Variants in DZANK1 observed in about 807,000 individuals in gnomAD.
DZANK1 encodes double zinc ribbon and ankyrin repeat-containing protein 1.
Under a neutral mutation model 94.5 loss-of-function variants are expected in DZANK1, and 91 were observed. The ratio of observed to expected loss-of-function variants is 0.96; its 90% CI spans 0.81 to 1.15. The LOEUF is 1.15. DZANK1 is among the 50% of genes most tolerant of loss of function. The pLI, the probability that DZANK1 is intolerant of heterozygous loss-of-function variation, is 0.00. For missense variants in DZANK1, 903 were observed against 916.4 expected, an observed-to-expected ratio of 0.99 and a Z score of 0.19; for synonymous variants, 312 against 325.3, an observed-to-expected ratio of 0.96 and a Z score of 0.44.
At chr20:18,437,150 T>C (rs1363377849) in intron 8 of DZANK1, among the ~76,000 whole-genome samples, 1 of 152,240 alleles carries the variant, frequency 6.6e-6, no homozygotes, top group African/African-American at 2.4e-5. Flanking sequence ...ATAGAACTTT[T>C]ATCTCATCTT....
chr20:18,413,012 TCC>T, intron 12 of DZANK1, 159 bp from the exon 13 acceptor site: 5 of 691,848 alleles, frequency 7.2e-6, no homozygotes, highest in Non-Finnish European at 1.2e-5. Flanking sequence ...TCTTCCTTGC[TCC>T]TGTCTTTCTC....
intron 2 of DZANK1, among the ~76,000 whole-genome samples, chr20:18,463,717 G>T (rs1020215376): frequency 3.9e-5 from 6 of 152,054 alleles, no homozygotes; most frequent in Non-Finnish European, 8.8e-5. Flanking sequence ...AATTTGGTTT[G>T]ACAGTTTAAA....
At chr20:18,394,283 C>G in exon 16 of DZANK1, 2 of 1,613,758 alleles carry the variant, frequency 1.2e-6, no homozygotes, top group Non-Finnish European at 1.7e-6. Flanking sequence ...GCACAGCCCC[C>G]CATCACCCTC....
rs1445492462 is a variant in DZANK1 at position 18,455,374 on chromosome 20, A to G, written c.264-13T>C. 1 of 1,560,248 alleles carries G rather than the reference A, an allele frequency of 6.4e-7. No homozygotes were observed. ...CTGTCTGCAGTCTCTGAAAATTATT[A>G]TTAAGAAAGGAAAAAGTCTGTGTTA... is the stretch of plus-strand genomic sequence containing the variant. On this transcript the variant is annotated splice_polypyrimidine_tract_variant and intron_variant, in intron 3 of 20. Coordinates refer to ENST00000262547, the Ensembl canonical transcript of DZANK1.
intron 14 of DZANK1, among the ~76,000 whole-genome samples, chr20:18,396,851 T>C (rs2056372084): frequency 6.6e-6 from 1 of 152,224 alleles, no homozygotes; most frequent in Non-Finnish European, 1.5e-5. Flanking sequence ...CTTCAAGAGA[T>C]GCACTTTAAT....
At chr20:18,399,571 C>T (rs1187675323) in intron 13 of DZANK1, among the ~76,000 whole-genome samples, 2 of 152,170 alleles carry the variant, frequency 1.3e-5, no homozygotes, top group East Asian at 1.9e-4. Context: ...GCTTGCCAAA[C>T]GTGTACACCC....
rs2057402851 is a variant in DZANK1, at chr20:18,414,634, A to G, written c.1078-122T>C. On this transcript the variant is annotated intron_variant, in intron 11 of 20. Transcript: ENST00000262547. Reference sequence around the variant, plus strand: ...TGACCCAGCCATTCTACCTTCCAGAATTTATCCTACAGATGGACAAGTACA... The same window carrying G: ...TGACCCAGCCATTCTACCTTCCAGAGTTTATCCTACAGATGGACAAGTACA... 2.5e-6 allele frequency: 3 copies of G among 1,183,808 alleles called. No individual in the cohort carries two copies. In the African/African-American group the frequency reaches 4.6e-5, roughly 18 times the overall value. 73.3% of individuals were successfully genotyped at this position (1,183,808 alleles called of 1,614,324 possible). A position where few individuals can be genotyped will look rare whatever the true frequency, so the allele number is the denominator to read the frequency against.
intron 7 of DZANK1, among the ~76,000 whole-genome samples, chr20:18,448,219 G>A (rs1456821360): frequency 6.6e-6 from 1 of 152,192 alleles, no homozygotes; most frequent in African/African-American, 2.4e-5. Flanking sequence ...AGAAACGGAT[G>A]TTTGTTACAA....
In DZANK1 at chr20:18,453,657, T is replaced by C. The variant is rs1041273036; in HGVS notation, c.475+74A>G. The C allele has an allele frequency of 1.2e-5, 12 of 1,021,338 alleles. No homozygotes were observed. In the Middle Eastern group the frequency reaches 9.4e-4, roughly 80 times the overall value. The allele number at this position is 1,021,338 out of a possible 1,614,324, so 63.3% of individuals were successfully genotyped here. ...CAACACTTCTCCAGACAAGAAAACA[T>C]GCAACGAACATGCCATGAACCTCTT... On this transcript the variant is annotated intron_variant, in intron 5 of 20. Coordinates refer to ENST00000262547, the Ensembl canonical transcript of DZANK1.
chr20:18,448,798 C>A (rs558664317), intron 7 of DZANK1, among the ~76,000 whole-genome samples, 186 bp downstream of exon 7: 1 of 144,732 alleles, frequency 6.9e-6, no homozygotes, highest in Non-Finnish European at 1.5e-5. Flanking sequence ...ACCCAGGAGG[C>A]GGAGGTTGCA....
rs762897814 is a variant in DZANK1 at position 18,394,347 on chromosome 20, G to A, written c.1615C>T (p.Leu539Phe). 5 of 1,613,320 alleles carry A rather than the reference G, an allele frequency of 3.1e-6. No homozygotes were observed. In the South Asian group the frequency reaches 4.4e-5, roughly 14 times the overall value. The change falls in exon 16 of 21, where the codon CTT (leucine) becomes TTT (phenylalanine). Residue 539 changes from leucine (L) to phenylalanine (F), a missense_variant. Transcript: ENST00000262547. The stretch of plus-strand genomic sequence containing the variant: ...AAATTCACTGCCTTGTTCAGGTAAA[G>A]GTTCTGGCCAATGAAAACATTTAAA...
chr20:18,447,263 G>A (rs1210349817), intron 7 of DZANK1, among the ~76,000 whole-genome samples: 1 of 151,730 alleles, frequency 6.6e-6, no homozygotes, highest in African/African-American at 2.4e-5. Flanking sequence ...ATCACCTGAG[G>A]TCAGAAGTTC....
chr20:18,435,625 A>C (rs924991719), intron 8 of DZANK1, among the ~76,000 whole-genome samples: 2 of 152,154 alleles, frequency 1.3e-5, no homozygotes, highest in African/African-American at 4.8e-5. Context: ...GAAAAGCATT[A>C]GGACAAATAC....
rs996107916 is a variant in DZANK1 at position 18,409,239 on chromosome 20, C to T, written c.1432+3407G>A. 5.9e-5 allele frequency among the ~76,000 whole-genome samples: 9 copies of T among 152,016 alleles called. No individual in the cohort carries two copies. The East Asian group carries it at 1.4e-3, about 23-fold the overall frequency. ...AGGATAAACCCAAAGAGATCCACAG[C>T]GAGACACATTATCAAACTGTTGAAA... On this transcript the variant is annotated intron_variant, in intron 13 of 20. Coordinates refer to ENST00000262547, the Ensembl canonical transcript of DZANK1.
chr20:18,431,574 AG>A (rs545133559), intron 9 of DZANK1, among the ~76,000 whole-genome samples: 46 of 152,352 alleles, frequency 3.0e-4, no homozygotes, highest in African/African-American at 1.0e-3. Context: ...TTGTCAGGCC[AG>A]GGTTTCCAAA....
Position 18,403,708 on chromosome 20 carries a change from T to C in DZANK1, c.1433-5082A>G, listed in dbSNP as rs543772110. Among the ~76,000 whole-genome samples the C allele has an allele frequency of 2.1e-4, 21 of 99,524 alleles. No individual in the cohort carries two copies. The East Asian group carries it at 4.2e-3, about 20-fold the overall frequency. 65.3% of individuals were successfully genotyped at this position (99,524 alleles called of 152,430 possible). A position where few individuals can be genotyped will look rare whatever the true frequency, so the allele number is the denominator to read the frequency against. The stretch of plus-strand genomic sequence containing the variant: ...AAAAAACAATCCCTGTAAAGCCAGG[T>C]TGTCCAACCCACAGCCCATGGGTTG... On this transcript the variant is annotated intron_variant, in intron 13 of 20. Transcript: ENST00000262547.
exon 4 of DZANK1, chr20:18,455,316 G>C: frequency 6.2e-7 from 1 of 1,609,168 alleles, no homozygotes; most frequent in Non-Finnish European, 8.5e-7. Context: ...GTGGTTCATA[G>C]TCTACGTGAA....
Position 18,443,463 on chromosome 20 carries a change from AC to A in DZANK1, c.630del (p.Lys210AsnfsTer53), listed in dbSNP as rs1381123305. Reference sequence around the variant, plus strand: ...GGCCGGGGGGCAAGGCAGTGGGCACACCTACAACAAAACAGGTTCCCGATTG... The same window carrying A: ...GGCCGGGGGGCAAGGCAGTGGGCACACTACAACAAAACAGGTTCCCGATTG... On this transcript the variant is annotated frameshift_variant and splice_region_variant, in exon 8 of 21. Transcript: ENST00000262547. LOFTEE classifies it high-confidence loss of function. 1 of 1,444,182 alleles carries A rather than the reference AC, an allele frequency of 6.9e-7. No homozygotes were observed. Among genetic ancestry groups the A allele is most frequent in the East Asian group, 2.7e-5 (1 of 36,822 alleles). 89.5% of individuals were successfully genotyped at this position (1,444,182 alleles called of 1,614,324 possible). A position where few individuals can be genotyped will look rare whatever the true frequency, so the allele number is the denominator to read the frequency against.
intron 9 of DZANK1, 138 bp downstream of exon 9, chr20:18,433,514 C>T (rs1455070149): frequency 1.4e-6 from 1 of 702,948 alleles, no homozygotes; most frequent in African/African-American, 1.8e-5. Flanking sequence ...TGCACTCCAG[C>T]CTGTGTGACA....
Sources: allele counts gnomAD v4.1 joint callset (sites outside exome capture counted in the v4.1 genomes callset), GRCh38; gene constraint gnomAD v4.1.1; transcripts MANE v1.5; gene names NCBI Gene and HGNC (gene_info 2026-07-23, HGNC 2026-07-21).